LRBA: variants seen among roughly 807,000 people sequenced by gnomAD.
LRBA encodes lipopolysaccharide-responsive and beige-like anchor protein.
In LRBA, 176 loss-of-function variants were observed where a neutral mutation model predicts 330.0. The ratio of observed to expected loss-of-function variants is 0.53; its 90% CI spans 0.47 to 0.60. LRBA has a LOEUF of 0.60. Ranked by LOEUF, LRBA falls within the 20% of genes least tolerant of loss-of-function variation. The pLI, the probability that LRBA is intolerant of heterozygous loss-of-function variation, is 0.00. For synonymous variants in LRBA, 1,230 were observed against 1,193.0 expected (o/e 1.03, Z -0.64); for missense variants, 3,259 against 3,444.8 (o/e 0.95, Z 1.35).
At chr4:150,267,474 A>G (rs76689624) in intron 56 of LRBA, among the ~76,000 whole-genome samples, 7,616 of 152,282 alleles carry the variant, frequency 0.05, 638 homozygotes, top group African/African-American at 0.17. Flanking sequence ...ATACTGAGAC[A>G]AATGAAAAGG....
chr4:150,927,398 G>T (rs900758103), intron 4 of LRBA, among the ~76,000 whole-genome samples: 11 of 149,182 alleles, frequency 7.4e-5, no homozygotes, highest in African/African-American at 2.7e-4. Context: ...AAAATTTACA[G>T]AAAGAAAAAT....
At chr4:150,651,324 C>T (rs1278306890) in intron 37 of LRBA, among the ~76,000 whole-genome samples, 1 of 152,230 alleles carries the variant, frequency 6.6e-6, no homozygotes, top group Non-Finnish European at 1.5e-5. Flanking sequence ...GTTCTATGTG[C>T]ACGGTGACAC....
intron 37 of LRBA, among the ~76,000 whole-genome samples, chr4:150,632,045 A>C (rs1777433402): frequency 6.6e-6 from 1 of 152,158 alleles, no homozygotes; most frequent in Non-Finnish European, 1.5e-5. Flanking sequence ...AGCCTGGCCA[A>C]CATGTTGAAA....
intron 40 of LRBA, among the ~76,000 whole-genome samples, chr4:150,553,234 G>A (rs928640689): frequency 2.0e-5 from 3 of 151,888 alleles, no homozygotes; most frequent in Non-Finnish European, 4.4e-5. Context: ...ACCAAACACT[G>A]CATGTTCTCA....
At chr4:150,904,061 G>C (rs144172910) in intron 13 of LRBA, among the ~76,000 whole-genome samples, 1 of 152,160 alleles carries the variant, frequency 6.6e-6, no homozygotes, top group Admixed American at 6.5e-5. Context: ...ACAGATCTAA[G>C]ATAAATGGAA....
At chr4:150,914,134 AACCC>A in intron 9 of LRBA, 57 bp downstream of exon 9, 1 of 1,397,336 alleles carries the variant, frequency 7.2e-7, no homozygotes, top group Non-Finnish European at 9.6e-7. Context: ...CTCCATGTAT[AACCC>A]ACCTTCAAAT....
chr4:150,804,181 T>C (rs1742203159), intron 33 of LRBA, among the ~76,000 whole-genome samples: 2 of 152,196 alleles, frequency 1.3e-5, no homozygotes, highest in Admixed American at 6.5e-5. Flanking sequence ...AGTCATTCAT[T>C]ACTTCATCAA....
intron 37 of LRBA, among the ~76,000 whole-genome samples, chr4:150,605,626 T>C (rs1046259305): frequency 2.6e-5 from 4 of 152,126 alleles, no homozygotes; most frequent in Non-Finnish European, 5.9e-5. Context: ...GCAGTAAACA[T>C]TTTCAGAGCA....
At chr4:150,943,559 TA>T (rs1735905211) in intron 2 of LRBA, among the ~76,000 whole-genome samples, 1 of 152,218 alleles carries the variant, frequency 6.6e-6, no homozygotes, top group South Asian at 2.1e-4. Context: ...GCTGGATGAA[TA>T]AATATCACAG....
At chr4:150,398,547 G>A (rs1287798981) in intron 47 of LRBA, among the ~76,000 whole-genome samples, 2 of 152,010 alleles carry the variant, frequency 1.3e-5, no homozygotes, top group East Asian at 3.9e-4. Context: ...TTAAGTAATA[G>A]AGGAAACTAT....
chr4:150,446,660 A>T (rs1752655027), intron 44 of LRBA, among the ~76,000 whole-genome samples: 1 of 152,176 alleles, frequency 6.6e-6, no homozygotes, highest in African/African-American at 2.4e-5. Context: ...GTCCCTGTAT[A>T]TTCCTCCCCA....
rs1034401574 is a variant in LRBA at position 150,920,072 on chromosome 4, G to A, written c.645+1126C>T. ...AAATTGGGCAATAAAACTTTTCAAA[G>A]AAAGTTGTATATTGTGTATATAACA... is the stretch of plus-strand genomic sequence containing the variant. On this transcript the variant is annotated intron_variant, in intron 5 of 56. Coordinates refer to ENST00000651943, the MANE Select transcript of LRBA (RefSeq NM_001364905.1). Among the ~76,000 whole-genome samples, 5 of 152,224 alleles carry A rather than the reference G, an allele frequency of 3.3e-5. No homozygotes were observed. The East Asian group carries it at 7.7e-4, about 23-fold the overall frequency.
intron 2 of LRBA, among the ~76,000 whole-genome samples, chr4:150,937,596 T>C (rs142034458): frequency 0.027 from 4,111 of 152,214 alleles, 314 homozygotes; most frequent in South Asian, 0.24. Flanking sequence ...TCCTTTGCTA[T>C]ATAGAACATT....
At chr4:150,525,471 T>G (rs917148496) in intron 40 of LRBA, among the ~76,000 whole-genome samples, 4 of 152,184 alleles carry the variant, frequency 2.6e-5, no homozygotes, top group African/African-American at 9.6e-5. Context: ...GTGTGCTAGA[T>G]AAACGGCCTA....
At chr4:150,557,286 T>A (rs1218169661) in intron 40 of LRBA, among the ~76,000 whole-genome samples, 2 of 152,092 alleles carry the variant, frequency 1.3e-5, no homozygotes, top group Non-Finnish European at 2.9e-5. Flanking sequence ...AATTCATGAG[T>A]CCATAGCAAT....
chr4:150,994,591 GA>G (rs1449067644), intron 2 of LRBA, among the ~76,000 whole-genome samples: 2 of 152,168 alleles, frequency 1.3e-5, no homozygotes, highest in Non-Finnish European at 2.9e-5. Context: ...TTAATGCTAT[GA>G]AAATAAAGCA....
chr4:150,911,516 A>C (rs1731987149), intron 9 of LRBA, among the ~76,000 whole-genome samples: 1 of 152,182 alleles, frequency 6.6e-6, no homozygotes, highest in Admixed American at 6.5e-5. Flanking sequence ...TTCCATGTTG[A>C]ACCATCTTTG....
In LRBA at chr4:150,929,055, C is replaced by T. The variant is rs1260204902; in HGVS notation, c.227G>A (p.Gly76Glu). 2.5e-6 allele frequency: 4 copies of T among 1,609,530 alleles called. No homozygotes were observed. Among genetic ancestry groups the T allele is most frequent in the Non-Finnish European group, 3.4e-6 (4 of 1,177,818 alleles). ...GAAATTCATTTCCAGATCAAACTGT[C>T]CTCCTACCAACTTACAAGGAAAAAA... is the stretch of plus-strand genomic sequence containing the variant. ...VETVFNLLVG[G>E]QFDLEMNFII... The change falls in exon 3 of 57, where the codon GGA (glycine) becomes GAA (glutamate). Residue 76 changes from glycine to glutamate, a missense_variant. By Grantham distance (98) the Gly-to-Glu change is moderately conservative. Transcript: ENST00000651943.
At chr4:150,723,713 T>C (rs887746586) in intron 36 of LRBA, among the ~76,000 whole-genome samples, 1 of 152,216 alleles carries the variant, frequency 6.6e-6, no homozygotes, top group Non-Finnish European at 1.5e-5. Context: ...TTGCATCCTA[T>C]GTACCAGCTC....
Sources: allele counts gnomAD v4.1 joint callset (sites outside exome capture counted in the v4.1 genomes callset), GRCh38; gene constraint gnomAD v4.1.1; transcripts MANE v1.5; gene names NCBI Gene and HGNC (gene_info 2026-07-23, HGNC 2026-07-21).